The following SOX6 variants were observed in gnomAD, a reference collection of about 807,000 sequenced individuals.
SOX6 encodes transcription factor SOX-6.
A neutral mutation model predicts 97.8 loss-of-function variants in SOX6; 11 were observed. The observed-to-expected ratio is 0.11, with a 90% CI of 0.07 to 0.19. SOX6 has a LOEUF of 0.19. Ranked by LOEUF, SOX6 falls within the 10% of genes least tolerant of loss-of-function variation. SOX6 has a pLI of 1.00. For missense variants in SOX6, 810 were observed against 1,039.5 expected (o/e 0.78, Z 3.04); for synonymous variants, 360 against 371.4 (o/e 0.97, Z 0.35).
At chr11:16,138,537 T>C (rs1240258693) in intron 6 of SOX6, among the ~76,000 whole-genome samples, 2 of 151,894 alleles carry the variant, frequency 1.3e-5, no homozygotes, top group African/African-American at 4.8e-5. Context: ...TTGTTTTTAT[T>C]TTTTTATTTT....
In SOX6 at chr11:16,042,248, CTA is replaced by C. The variant is rs1855689780; in HGVS notation, c.1623+4264_1623+4265del. Among the ~76,000 whole-genome samples the C allele has an allele frequency of 2.0e-5, 3 of 152,172 alleles. No homozygotes were observed. The South Asian group carries it at 6.2e-4, about 32-fold the overall frequency. ...TGTAATCTACATGTAGTCTGTCTTTCTATGACTGCTGTTGGTCTAGCCACCTC... is the reference window on the plus strand; with the variant it reads ...TGTAATCTACATGTAGTCTGTCTTTCTGACTGCTGTTGGTCTAGCCACCTC... On this transcript the variant is annotated intron_variant, in intron 12 of 15. Coordinates refer to ENST00000683767, the MANE Select transcript of SOX6 (RefSeq NM_001367873.1).
intron 6 of SOX6, among the ~76,000 whole-genome samples, chr11:16,166,520 A>T (rs1850891957): frequency 1.3e-5 from 2 of 152,224 alleles, no homozygotes; most frequent in African/African-American, 2.4e-5. Context: ...CAAAGTATCA[A>T]ACTAGGCATG....
At chr11:16,245,000 T>C (rs971115604) in intron 3 of SOX6, among the ~76,000 whole-genome samples, 1 of 151,820 alleles carries the variant, frequency 6.6e-6, no homozygotes, top group Non-Finnish European at 1.5e-5. Flanking sequence ...GAAAAGACTT[T>C]CTGGAATTCT....
intron 1 of SOX6, among the ~76,000 whole-genome samples, chr11:16,396,674 T>C (rs1858368049): frequency 6.6e-6 from 1 of 151,552 alleles, no homozygotes; most frequent in South Asian, 2.1e-4. Flanking sequence ...GTTTCAATAA[T>C]ATTCAGTAAT....
chr11:16,027,960 A>C (rs1018282639), intron 12 of SOX6, among the ~76,000 whole-genome samples: 1 of 152,214 alleles, frequency 6.6e-6, no homozygotes, highest in Non-Finnish European at 1.5e-5. Context: ...CATGTGTAAG[A>C]CTTATTTGGG....
At chr11:16,153,558 A>C (rs1182360236) in intron 6 of SOX6, among the ~76,000 whole-genome samples, 2 of 152,140 alleles carry the variant, frequency 1.3e-5, no homozygotes, top group East Asian at 3.9e-4. Flanking sequence ...CATACCACTC[A>C]CTAAGCACAA....
chr11:16,699,260 T>C (rs183243267), intron 3 of SOX6, among the ~76,000 whole-genome samples: 2 of 152,330 alleles, frequency 1.3e-5, no homozygotes, highest in African/African-American at 4.8e-5. Context: ...CTATAGCCCA[T>C]TTTATAGCCA....
intron 6 of SOX6, among the ~76,000 whole-genome samples, chr11:16,176,243 T>C (rs116716153): frequency 0.012 from 1,826 of 152,002 alleles, 36 homozygotes; most frequent in African/African-American, 0.041. Flanking sequence ...GAATCATCTA[T>C]AAACTTTTCA....
chr11:16,509,966 C>T (rs933819453), intron 4 of SOX6, among the ~76,000 whole-genome samples: 1 of 152,030 alleles, frequency 6.6e-6, no homozygotes, highest in African/African-American at 2.4e-5. Context: ...CTAACTTTAT[C>T]GTGGCTTTTA....
Position 16,103,624 on chromosome 11 carries a change from C to T in SOX6, c.899-5936G>A, listed in dbSNP as rs577224704. On this transcript the variant is annotated intron_variant, in intron 7 of 15. Transcript: ENST00000683767. ...CAAAAATATGGAAACAGCCCAAATG[C>T]TCATCAATCTACGCATGGATAAAGA... Among the ~76,000 whole-genome samples the T allele has an allele frequency of 7.2e-5, 11 of 152,030 alleles. No individual in the cohort carries two copies. The South Asian group carries it at 2.3e-3, about 31-fold the overall frequency.
chr11:16,064,597 T>C (rs937302757), intron 9 of SOX6, among the ~76,000 whole-genome samples: 1 of 151,590 alleles, frequency 6.6e-6, no homozygotes, highest in Admixed American at 6.6e-5. Context: ...CTGATGAATA[T>C]TGATGCAAAA....
intron 12 of SOX6, among the ~76,000 whole-genome samples, chr11:16,019,610 T>A (rs9645647): frequency 0.42 from 64,186 of 151,978 alleles, 13,989 homozygotes; most frequent in East Asian, 0.65. Context: ...CAGTAAATAA[T>A]TTCTATGCTC....
At chr11:16,040,201 C>T (rs941022166) in intron 12 of SOX6, among the ~76,000 whole-genome samples, 16 of 151,996 alleles carry the variant, frequency 1.1e-4, no homozygotes, top group African/African-American at 3.6e-4. Context: ...TATTCCTACA[C>T]CTACACCTAT....
At chr11:16,658,656 C>A (rs1034054567) in intron 3 of SOX6, among the ~76,000 whole-genome samples, 1 of 151,226 alleles carries the variant, frequency 6.6e-6, no homozygotes, top group South Asian at 2.1e-4. Flanking sequence ...TGCAGTGAGC[C>A]GAGATCAAGC....
intron 4 of SOX6, among the ~76,000 whole-genome samples, chr11:16,209,317 C>A (rs544801794): frequency 6.6e-6 from 1 of 151,898 alleles, no homozygotes; most frequent in African/African-American, 2.4e-5. Context: ...TTAAAAACAA[C>A]CTAAAGGTAT....
At chr11:16,164,606 G>C (rs1009407562) in intron 6 of SOX6, among the ~76,000 whole-genome samples, 1 of 151,898 alleles carries the variant, frequency 6.6e-6, no homozygotes, top group Non-Finnish European at 1.5e-5. Flanking sequence ...GGCGGATCAC[G>C]AGGTCAGGGG....
intron 3 of SOX6, among the ~76,000 whole-genome samples, chr11:16,275,979 T>C (rs1565064144): frequency 6.6e-6 from 1 of 152,200 alleles, no homozygotes; most frequent in Non-Finnish European, 1.5e-5. Context: ...TCTGATATGA[T>C]AGCACTTGAT....
chr11:15,997,100 ATAACT>A (rs1284549357), intron 13 of SOX6, among the ~76,000 whole-genome samples: 1 of 152,194 alleles, frequency 6.6e-6, no homozygotes, highest in African/African-American at 2.4e-5. Flanking sequence ...AATATTATAA[ATAACT>A]TAATTTCAAT....
intron 6 of SOX6, among the ~76,000 whole-genome samples, chr11:16,169,021 A>G (rs781440861): frequency 6.6e-6 from 1 of 152,154 alleles, no homozygotes; most frequent in South Asian, 2.1e-4. Context: ...CCAAACTTCC[A>G]TATTTGAGGA....
Sources: allele counts gnomAD v4.1 joint callset (sites outside exome capture counted in the v4.1 genomes callset), GRCh38; gene constraint gnomAD v4.1.1; transcripts MANE v1.5; gene names NCBI Gene and HGNC (gene_info 2026-07-23, HGNC 2026-07-21).